The following CCSER1 variants were observed in gnomAD, a reference collection of about 807,000 sequenced individuals.
The protein encoded by CCSER1 is serine-rich coiled-coil domain-containing protein 1.
Under a neutral mutation model 82.0 loss-of-function variants are expected in CCSER1, and 41 were observed. The ratio of observed to expected loss-of-function variants is 0.50; its 90% CI spans 0.39 to 0.65. The LOEUF (loss-of-function observed/expected upper bound fraction) is 0.65. Among genes scored for constraint, CCSER1 ranks in the 30% least tolerant of loss-of-function variants. The pLI, the probability that CCSER1 is intolerant of heterozygous loss-of-function variation, is 0.00. For missense variants in CCSER1, 1,119 were observed against 1,064.2 expected, an observed-to-expected ratio of 1.05 and a Z score of -0.72; for synonymous variants, 414 against 383.9, an observed-to-expected ratio of 1.08 and a Z score of -0.92.
chr4:90,500,086 G>A (rs562096360), intron 5 of CCSER1, among the ~76,000 whole-genome samples: 1 of 152,098 alleles, frequency 6.6e-6, no homozygotes, highest in Admixed American at 6.6e-5. Context: ...TTCAGAGTTT[G>A]TAATCAATAA....
intron 10 of CCSER1, among the ~76,000 whole-genome samples, chr4:91,210,243 T>C (rs2002254): frequency 0.59 from 89,222 of 150,050 alleles, 27,046 homozygotes; most frequent in East Asian, 0.93. Context: ...ATATGTAAAG[T>C]CCTGTTATTA....
intron 10 of CCSER1, among the ~76,000 whole-genome samples, chr4:91,271,401 T>G (rs1196477146): frequency 6.6e-6 from 1 of 152,154 alleles, no homozygotes; most frequent in Admixed American, 6.5e-5. Context: ...TTTGTAGTCT[T>G]TCATCTCTCA....
intron 10 of CCSER1, among the ~76,000 whole-genome samples, chr4:91,313,997 C>T (rs1007856673): frequency 3.9e-5 from 6 of 152,090 alleles, no homozygotes; most frequent in African/African-American, 1.4e-4. Context: ...CTTTTTACCA[C>T]GTTACTACTG....
chr4:91,140,609 C>T (rs539486591), intron 10 of CCSER1, among the ~76,000 whole-genome samples: 53 of 152,078 alleles, frequency 3.5e-4, no homozygotes, highest in African/African-American at 1.3e-3. Flanking sequence ...TCCATACAAC[C>T]TGTACATTTC....
At chr4:91,322,913 T>A (rs115122839) in intron 10 of CCSER1, among the ~76,000 whole-genome samples, 1,534 of 152,260 alleles carry the variant, frequency 0.01, 20 homozygotes, top group African/African-American at 0.032. Flanking sequence ...GAGATAAAGA[T>A]GTTGGAATCC....
chr4:90,873,003 TA>T (rs1393715427), intron 8 of CCSER1, among the ~76,000 whole-genome samples: 2 of 151,936 alleles, frequency 1.3e-5, no homozygotes, highest in East Asian at 1.9e-4. Flanking sequence ...GGACCTCTTT[TA>T]AAAAAATACT....
At chr4:90,590,547 A>G (rs1782564385) in intron 5 of CCSER1, among the ~76,000 whole-genome samples, 2 of 151,922 alleles carry the variant, frequency 1.3e-5, no homozygotes, top group Admixed American at 6.6e-5. Context: ...GCTATTGCAC[A>G]CCATCCTGGG....
chr4:90,139,130 A>G (rs1420902631), intron 1 of CCSER1, among the ~76,000 whole-genome samples: 1 of 152,136 alleles, frequency 6.6e-6, no homozygotes, highest in Non-Finnish European at 1.5e-5. Flanking sequence ...CAGATCTCCA[A>G]CCTGCCTCCT....
intron 10 of CCSER1, among the ~76,000 whole-genome samples, chr4:91,482,700 C>T (rs6834530): frequency 0.84 from 127,671 of 152,088 alleles, 54,076 homozygotes; most frequent in African/African-American, 0.94. Context: ...AACCCAAATG[C>T]CCATCAATGA....
chr4:91,042,193 G>A (rs1451176201), intron 9 of CCSER1, among the ~76,000 whole-genome samples: 1 of 152,122 alleles, frequency 6.6e-6, no homozygotes, highest in Non-Finnish European at 1.5e-5. Flanking sequence ...CATTGGTGTG[G>A]TTTTCCCCAT....
At chr4:90,249,320 G>C (rs1337307228) in intron 1 of CCSER1, among the ~76,000 whole-genome samples, 1 of 152,076 alleles carries the variant, frequency 6.6e-6, no homozygotes, top group Non-Finnish European at 1.5e-5. Context: ...ATATCAAATT[G>C]CTTATTAATA....
At chr4:90,744,592 A>T (rs78183346) in intron 7 of CCSER1, among the ~76,000 whole-genome samples, 1 of 152,304 alleles carries the variant, frequency 6.6e-6, no homozygotes, top group African/African-American at 2.4e-5. Flanking sequence ...CAGATGATCT[A>T]GACCAGGGGT....
intron 5 of CCSER1, among the ~76,000 whole-genome samples, chr4:90,601,112 A>C (rs948129051): frequency 4.6e-5 from 7 of 151,808 alleles, no homozygotes; most frequent in Non-Finnish European, 1.0e-4. Flanking sequence ...ATACAGTTTT[A>C]TTTCTTTCTT....
At chr4:91,487,759 A>C (rs1758298075) in intron 10 of CCSER1, among the ~76,000 whole-genome samples, 1 of 152,002 alleles carries the variant, frequency 6.6e-6, no homozygotes, top group African/African-American at 2.4e-5. Context: ...GTACAGTATA[A>C]ATTCTATATG....
intron 5 of CCSER1, among the ~76,000 whole-genome samples, chr4:90,587,996 T>C (rs1782220821): frequency 1.3e-5 from 2 of 152,240 alleles, no homozygotes; most frequent in African/African-American, 2.4e-5. Context: ...GTCTATTAAA[T>C]GTGCGATAGC....
intron 10 of CCSER1, among the ~76,000 whole-genome samples, chr4:91,360,693 G>A (rs888834701): frequency 2.6e-5 from 4 of 151,680 alleles, no homozygotes; most frequent in African/African-American, 9.7e-5. Flanking sequence ...AAGGTTTATG[G>A]CACAAGCCTA....
rs1051086315 is a variant in CCSER1 at position 90,219,236 on chromosome 4, C to T, written c.-41-89008C>T. ...AGAATGTATCTACAGGATGCACTGA[C>T]GTATTTGTTGGGGATTGATGGGGAG... On this transcript the variant is annotated intron_variant, in intron 1 of 10. Transcript: ENST00000509176. Among the ~76,000 whole-genome samples, 8 of 152,008 alleles carry T rather than the reference C, an allele frequency of 5.3e-5. No individual in the cohort carries two copies. The South Asian group carries it at 1.0e-3, about 20-fold the overall frequency.
intron 7 of CCSER1, among the ~76,000 whole-genome samples, chr4:90,808,392 A>G (rs1757798085): frequency 1.3e-5 from 2 of 152,138 alleles, no homozygotes; most frequent in Non-Finnish European, 2.9e-5. Context: ...TAAATAAATG[A>G]GACCTAATTA....
At chr4:91,027,385 A>T (rs1034308050) in intron 9 of CCSER1, among the ~76,000 whole-genome samples, 1 of 151,788 alleles carries the variant, frequency 6.6e-6, no homozygotes, top group Non-Finnish European at 1.5e-5. Context: ...TACTTTTTTC[A>T]TTAAGAAAAT....
Sources: gnomAD v4.1 joint callset for allele counts (sites outside exome capture counted in the v4.1 genomes callset) on GRCh38, gnomAD v4.1.1 for gene constraint, MANE v1.5 for transcripts, NCBI Gene and HGNC (gene_info 2026-07-23, HGNC 2026-07-21) for gene names.